The following NBEA variants were observed in gnomAD, a reference collection of about 807,000 sequenced individuals.
NBEA encodes the protein lysosomal-trafficking regulator 2.
Under a neutral mutation model 343.4 loss-of-function variants are expected in NBEA, and 44 were observed. That is an observed-to-expected ratio of 0.13 (90% confidence interval 0.10 to 0.16). The LOEUF is 0.16. Among genes scored for constraint, NBEA ranks in the 10% least tolerant of loss-of-function variants. NBEA has a pLI of 1.00. For missense variants in NBEA, 2,555 were observed against 3,631.3 expected (o/e 0.70, Z 7.62); for synonymous variants, 1,175 against 1,238.7 (o/e 0.95, Z 1.08).
chr13:34,993,694 C>T (rs1440021363), intron 1 of NBEA, among the ~76,000 whole-genome samples: 10 of 152,212 alleles, frequency 6.6e-5, no homozygotes, highest in Middle Eastern at 3.4e-3. Flanking sequence ...AGAGTAGTGC[C>T]GACAGGCTAT....
At chr13:35,040,830 A>C in intron 1 of NBEA, 103 bp from the exon 2 acceptor site, 1 of 973,254 alleles carries the variant, frequency 1.0e-6, no homozygotes, top group Non-Finnish European at 1.5e-6. Context: ...AGAATCCTTG[A>C]AATTTTTTAG....
At chr13:35,217,015 G>A (rs909965550) in intron 33 of NBEA, among the ~76,000 whole-genome samples, 10 of 151,896 alleles carry the variant, frequency 6.6e-5, no homozygotes, top group Non-Finnish European at 1.5e-4. Flanking sequence ...GTTTCCACTG[G>A]CAATGTGTGA....
At chr13:35,257,487 T>G (rs2032747560) in intron 34 of NBEA, among the ~76,000 whole-genome samples, 2 of 152,224 alleles carry the variant, frequency 1.3e-5, no homozygotes, top group Admixed American at 1.3e-4. Context: ...TGTAAATGAC[T>G]ACTATGGTTA....
At chr13:35,427,536 C>T (rs112927415) in intron 38 of NBEA, among the ~76,000 whole-genome samples, 5 of 152,188 alleles carry the variant, frequency 3.3e-5, no homozygotes, top group African/African-American at 4.8e-5. Context: ...GGTGTCAGTC[C>T]GCCCCTACTG....
chr13:35,476,729 G>A, intron 41 of NBEA: 2 of 1,060,252 alleles, frequency 1.9e-6, no homozygotes, highest in Admixed American at 4.9e-5. Flanking sequence ...ATAAAGGCAG[G>A]GCCAGGCAGG....
At chr13:35,271,982 T>A (rs1431863165) in intron 34 of NBEA, among the ~76,000 whole-genome samples, 1 of 152,022 alleles carries the variant, frequency 6.6e-6, no homozygotes, top group Non-Finnish European at 1.5e-5. Flanking sequence ...CAGGCCAACA[T>A]TCAAATTCAG....
At chr13:35,284,222 T>A (rs1483589228) in intron 34 of NBEA, among the ~76,000 whole-genome samples, 1 of 152,146 alleles carries the variant, frequency 6.6e-6, no homozygotes, top group African/African-American at 2.4e-5. Flanking sequence ...CCCTAATATA[T>A]CTGGTATATC....
chr13:35,081,191 G>A (rs2064376196), intron 10 of NBEA, among the ~76,000 whole-genome samples: 1 of 152,060 alleles, frequency 6.6e-6, no homozygotes, highest in African/African-American at 2.4e-5. Flanking sequence ...TTTTCTGGTG[G>A]CTGTATATCT....
intron 41 of NBEA, among the ~76,000 whole-genome samples, chr13:35,534,048 G>GT (rs1262735123): frequency 6.6e-6 from 1 of 151,932 alleles, no homozygotes; most frequent in Non-Finnish European, 1.5e-5. Context: ...TAGGTTAATT[G>GT]TTTTTATTGG....
At chr13:35,218,155 T>C (rs1593793959) in intron 33 of NBEA, among the ~76,000 whole-genome samples, 1 of 152,220 alleles carries the variant, frequency 6.6e-6, no homozygotes, top group East Asian at 1.9e-4. Flanking sequence ...TTCATAGTCC[T>C]GTACTCCCTG....
Position 35,413,136 on chromosome 13 carries a change from T to C in NBEA, c.6180-19133T>C, listed in dbSNP as rs554306219. On this transcript the variant is annotated intron_variant, in intron 38 of 58. Transcript: ENST00000379939. ...GAAATGTCTCACTTCTGCTCACATTTTATTAGCTGGAGGAGGTCACATCAA... is the reference window on the plus strand; with the variant it reads ...GAAATGTCTCACTTCTGCTCACATTCTATTAGCTGGAGGAGGTCACATCAA... 3.3e-5 allele frequency among the ~76,000 whole-genome samples: 5 copies of C among 151,948 alleles called. No individual in the cohort carries two copies. In the South Asian group the frequency reaches 6.3e-4, roughly 19 times the overall value.
At chr13:35,336,983 A>G (rs1162134172) in intron 36 of NBEA, among the ~76,000 whole-genome samples, 1 of 152,124 alleles carries the variant, frequency 6.6e-6, no homozygotes, top group Non-Finnish European at 1.5e-5. Context: ...CAGTTTGCCC[A>G]TATAACAAAC....
At chr13:35,217,160 T>C (rs923891427) in intron 33 of NBEA, among the ~76,000 whole-genome samples, 1 of 152,016 alleles carries the variant, frequency 6.6e-6, no homozygotes, top group East Asian at 1.9e-4. Context: ...GTGTTTATTT[T>C]CCATCAATAT....
chr13:35,553,269 A>T (rs2079428649), intron 43 of NBEA, among the ~76,000 whole-genome samples: 1 of 152,134 alleles, frequency 6.6e-6, no homozygotes, highest in Admixed American at 6.6e-5. Context: ...TCATAATGCC[A>T]TTCTATCTTC....
intron 1 of NBEA, among the ~76,000 whole-genome samples, chr13:35,029,186 G>A (rs966954086): frequency 2.6e-5 from 4 of 151,260 alleles, no homozygotes; most frequent in Admixed American, 6.6e-5. Flanking sequence ...TGTTATATAT[G>A]ATATATAACA....
At chr13:35,300,697 A>G (rs74048987) in intron 35 of NBEA, among the ~76,000 whole-genome samples, 6,310 of 152,282 alleles carry the variant, frequency 0.041, 150 homozygotes, top group South Asian at 0.078. Context: ...CCTGACTCCT[A>G]TGGAAAGGGG....
intron 38 of NBEA, among the ~76,000 whole-genome samples, chr13:35,366,192 G>A (rs1375644107): frequency 6.6e-6 from 1 of 151,414 alleles, no homozygotes; most frequent in Non-Finnish European, 1.5e-5. Context: ...ATCTCCCTGT[G>A]GGTAGATCAA....
chr13:35,367,446 T>C (rs1437081132), intron 38 of NBEA, among the ~76,000 whole-genome samples: 198 of 151,468 alleles, frequency 1.3e-3, no homozygotes, highest in African/African-American at 4.7e-3. Context: ...TCTTCTATTT[T>C]AACAGGCTTT....
intron 35 of NBEA, among the ~76,000 whole-genome samples, chr13:35,304,586 G>T (rs1417412639): frequency 6.6e-6 from 1 of 152,044 alleles, no homozygotes; most frequent in Non-Finnish European, 1.5e-5. Context: ...TTTTTATTCA[G>T]AATGTTTTCA....
Sources: allele counts gnomAD v4.1 joint callset (sites outside exome capture counted in the v4.1 genomes callset), GRCh38; gene constraint gnomAD v4.1.1; transcripts MANE v1.5; gene names NCBI Gene and HGNC (gene_info 2026-07-23, HGNC 2026-07-21).